ADGRL3: variants seen among roughly 807,000 people sequenced by gnomAD.
The protein encoded by ADGRL3 is adhesion G protein-coupled receptor L3.
A neutral mutation model predicts 153.5 loss-of-function variants in ADGRL3; 62 were observed. The ratio of observed to expected loss-of-function variants is 0.40; its 90% CI spans 0.33 to 0.50. The LOEUF (loss-of-function observed/expected upper bound fraction) is 0.50, where lower values mean the gene tolerates loss of function less well. Among genes scored for constraint, ADGRL3 ranks in the 20% least tolerant of loss-of-function variants. ADGRL3 has a pLI of 0.47. For missense variants in ADGRL3, 1,641 were observed against 1,859.4 expected (o/e 0.88, Z 2.16); for synonymous variants, 710 against 672.5 (o/e 1.06, Z -0.86).
At chr4:61,826,904 C>T (rs1241533745) in intron 9 of ADGRL3, among the ~76,000 whole-genome samples, 4 of 130,844 alleles carry the variant, frequency 3.1e-5, no homozygotes, top group Non-Finnish European at 6.3e-5. Flanking sequence ...TACCCTAGGA[C>T]TTAAAGTATA....
intron 2 of ADGRL3, among the ~76,000 whole-genome samples, chr4:61,489,909 A>G (rs1270638760): frequency 6.6e-6 from 1 of 152,084 alleles, no homozygotes; most frequent in Non-Finnish European, 1.5e-5. Context: ...GTGTTGATAT[A>G]TTTTGTGCCT....
chr4:62,004,351 A>G (rs1560493004), intron 21 of ADGRL3, among the ~76,000 whole-genome samples: 1 of 152,022 alleles, frequency 6.6e-6, no homozygotes, highest in Non-Finnish European at 1.5e-5. Flanking sequence ...TTATGAGAAC[A>G]GTAAATCTAG....
intron 21 of ADGRL3, among the ~76,000 whole-genome samples, chr4:62,023,876 T>A (rs1273434999): frequency 6.6e-6 from 1 of 152,164 alleles, no homozygotes; most frequent in East Asian, 1.9e-4. Context: ...GCCTGCAGTA[T>A]CTCTCAGGTA....
intron 1 of ADGRL3, among the ~76,000 whole-genome samples, chr4:61,314,109 T>C (rs1320751610): frequency 6.6e-6 from 1 of 152,146 alleles, no homozygotes; most frequent in Non-Finnish European, 1.5e-5. Flanking sequence ...TTGAACAAAA[T>C]GACATTTTTC....
chr4:61,468,008 T>G (rs948608828), intron 2 of ADGRL3, among the ~76,000 whole-genome samples: 1 of 152,172 alleles, frequency 6.6e-6, no homozygotes, highest in Non-Finnish European at 1.5e-5. Context: ...AAATAACCAT[T>G]CTCTAACAGG....
At chr4:61,444,440 T>C (rs918680162) in intron 2 of ADGRL3, among the ~76,000 whole-genome samples, 2 of 152,186 alleles carry the variant, frequency 1.3e-5, no homozygotes, top group Non-Finnish European at 2.9e-5. Context: ...CCATGTTTTT[T>C]TGTTCTTGAA....
At chr4:61,559,919 T>C (rs889133400) in intron 4 of ADGRL3, among the ~76,000 whole-genome samples, 2 of 152,100 alleles carry the variant, frequency 1.3e-5, no homozygotes, top group Non-Finnish European at 2.9e-5. Flanking sequence ...CAGAACATAC[T>C]GTTTATTTAT....
intron 4 of ADGRL3, among the ~76,000 whole-genome samples, chr4:61,546,766 C>T (rs1450077895): frequency 6.6e-6 from 1 of 152,126 alleles, no homozygotes; most frequent in Non-Finnish European, 1.5e-5. Flanking sequence ...AAGGGTGTGT[C>T]TGTAGCTGTT....
chr4:61,444,939 G>T (rs1316743909), intron 2 of ADGRL3, among the ~76,000 whole-genome samples: 1 of 151,990 alleles, frequency 6.6e-6, no homozygotes, highest in Non-Finnish European at 1.5e-5. Flanking sequence ...TGTAGTCCCA[G>T]CTACTCGGAG....
At chr4:61,997,545 A>G (rs969186020) in intron 20 of ADGRL3, among the ~76,000 whole-genome samples, 4 of 152,012 alleles carry the variant, frequency 2.6e-5, no homozygotes, top group Non-Finnish European at 5.9e-5. Context: ...GTTTTTTTAT[A>G]CAGTTTACTT....
At chr4:61,657,102 CAT>C (rs1223162930) in intron 5 of ADGRL3, among the ~76,000 whole-genome samples, 1 of 152,098 alleles carries the variant, frequency 6.6e-6, no homozygotes, top group Admixed American at 6.6e-5. Context: ...CAATAAAAAA[CAT>C]GTGTTTTTCC....
intron 4 of ADGRL3, among the ~76,000 whole-genome samples, chr4:61,564,124 G>A (rs1028131679): frequency 8.5e-5 from 13 of 152,064 alleles, no homozygotes; most frequent in African/African-American, 2.4e-4. Flanking sequence ...AAGAGTAAGA[G>A]CTTTGCAATG....
At chr4:61,850,232 A>T (rs748512599) in intron 9 of ADGRL3, among the ~76,000 whole-genome samples, 2 of 152,070 alleles carry the variant, frequency 1.3e-5, no homozygotes, top group Non-Finnish European at 2.9e-5. Context: ...TCTTCATGAA[A>T]GTTCTGTGTT....
At position 61,312,260 on chromosome 4, in the gene ADGRL3, T is replaced by G. The variant is rs568592089; in HGVS notation, c.-239-70864T>G. On this transcript the variant is annotated intron_variant, in intron 1 of 26. Coordinates refer to ENST00000683033, the MANE Select transcript of ADGRL3 (RefSeq NM_001387552.1). ...GTCTAGACACATACCTTACACCTTT[T>G]GCAAAAATTAACTCAAAGGTGGATC... Among the ~76,000 whole-genome samples, 145 of 152,236 alleles carry G rather than the reference T, an allele frequency of 9.5e-4. 1 individual carries two copies. Among genetic ancestry groups the G allele is most frequent in the African/African-American group, 3.3e-3 (136 of 41,554 alleles).
chr4:61,668,729 A>C (rs2094889390), intron 5 of ADGRL3, among the ~76,000 whole-genome samples: 1 of 151,958 alleles, frequency 6.6e-6, no homozygotes, highest in Non-Finnish European at 1.5e-5. Flanking sequence ...CAAAAAAAAA[A>C]AAATGGAGGC....
chr4:61,407,780 CA>C (rs1158188217), intron 2 of ADGRL3, among the ~76,000 whole-genome samples: 3 of 152,118 alleles, frequency 2.0e-5, no homozygotes, highest in African/African-American at 7.2e-5. Flanking sequence ...GCTATAAAAA[CA>C]CTTTTGGCTT....
chr4:61,333,663 G>A (rs1412365910), intron 1 of ADGRL3, among the ~76,000 whole-genome samples: 1 of 151,896 alleles, frequency 6.6e-6, no homozygotes, highest in Non-Finnish European at 1.5e-5. Context: ...CACAATCACG[G>A]CTTACTGCAT....
chr4:61,693,046 G>A (rs528506915), intron 6 of ADGRL3, among the ~76,000 whole-genome samples: 4 of 151,990 alleles, frequency 2.6e-5, no homozygotes, highest in South Asian at 4.2e-4. Flanking sequence ...CAGAACTTGC[G>A]GGAAAATGAC....
intron 25 of ADGRL3, among the ~76,000 whole-genome samples, chr4:62,050,745 T>A (rs759729530): frequency 3.2e-4 from 49 of 151,982 alleles, no homozygotes; most frequent in Non-Finnish European, 6.2e-4. Flanking sequence ...CATAAAATAG[T>A]CTGTATTGCC....
Sources: gnomAD v4.1 joint callset for allele counts (sites outside exome capture counted in the v4.1 genomes callset) on GRCh38, gnomAD v4.1.1 for gene constraint, MANE v1.5 for transcripts, NCBI Gene and HGNC (gene_info 2026-07-23, HGNC 2026-07-21) for gene names.